The following PTPRM variants were observed in gnomAD, a reference collection of about 807,000 sequenced individuals.
PTPRM encodes receptor-type tyrosine-protein phosphatase mu.
A neutral mutation model predicts 186.7 loss-of-function variants in PTPRM; 47 were observed. The ratio of observed to expected loss-of-function variants is 0.25; its 90% CI spans 0.20 to 0.32. PTPRM has a LOEUF of 0.32. PTPRM is among the 10% of genes least tolerant of loss of function. PTPRM has a pLI of 1.00. For synonymous variants in PTPRM, 668 were observed against 674.9 expected (o/e 0.99, Z 0.16); for missense variants, 1,494 against 1,865.0 (o/e 0.80, Z 3.66).
At chr18:7,626,620 C>A (rs1464744673) in intron 1 of PTPRM, among the ~76,000 whole-genome samples, 4 of 152,156 alleles carry the variant, frequency 2.6e-5, no homozygotes, top group African/African-American at 7.2e-5. Flanking sequence ...GTCCTGTGTA[C>A]AATTTCAGTG....
At chr18:7,696,351 T>C (rs2039843061) in intron 1 of PTPRM, among the ~76,000 whole-genome samples, 1 of 152,196 alleles carries the variant, frequency 6.6e-6, no homozygotes, top group African/African-American at 2.4e-5. Flanking sequence ...GTGCATGACA[T>C]CTAAATTTGA....
intron 7 of PTPRM, among the ~76,000 whole-genome samples, chr18:7,995,988 ATT>A (rs978945065): frequency 5.3e-5 from 8 of 151,980 alleles, no homozygotes; most frequent in African/African-American, 1.7e-4. Context: ...TAATTCCAGT[ATT>A]CCTTGGTTTT....
Position 8,376,564 on chromosome 18 carries a change from G to A in PTPRM, c.3429G>A (p.Leu1143=). The A allele has an allele frequency of 1.2e-6, 2 of 1,613,870 alleles. No homozygotes were observed. Among genetic ancestry groups the A allele is most frequent in the South Asian group, 2.2e-5 (2 of 91,068 alleles). ...VVDIYNCVRE[L]RSRRVNMVQT... ...ACATCTACAACTGCGTCAGGGAGCT[G>A]CGGTCACGGAGGGTGAACATGGTGC... is the stretch of plus-strand genomic sequence containing the variant. Residue 1143 remains leucine (L), a synonymous_variant, in exon 26 of 33, where the codon CTG becomes CTA. Transcript: ENST00000580170.
rs1467569213 is a variant in PTPRM at position 8,085,582 on chromosome 18, A to G, written c.1552-89A>G. The G allele has an allele frequency of 2.7e-6, 3 of 1,110,010 alleles. No individual in the cohort carries two copies. In the Admixed American group the frequency reaches 5.3e-5, roughly 20 times the overall value. 68.8% of individuals were successfully genotyped at this position (1,110,010 alleles called of 1,614,324 possible). A position where few individuals can be genotyped will look rare whatever the true frequency, so the allele number is the denominator to read the frequency against. ...AGGAGCTTATCATAAAGTGTCTGAC[A>G]GTGCATACATCAGAAGGGTTTATTG... On this transcript the variant is annotated intron_variant, in intron 9 of 32. Coordinates refer to ENST00000580170, the MANE Select transcript of PTPRM (RefSeq NM_001105244.2).
At chr18:8,303,411 A>G (rs577402900) in intron 20 of PTPRM, among the ~76,000 whole-genome samples, 2 of 152,266 alleles carry the variant, frequency 1.3e-5, no homozygotes, top group African/African-American at 4.8e-5. Flanking sequence ...TGAAGGCTTC[A>G]CTTTTCTAAC....
intron 9 of PTPRM, among the ~76,000 whole-genome samples, chr18:8,082,978 C>G (rs565310522): frequency 6.6e-6 from 1 of 152,032 alleles, no homozygotes; most frequent in Non-Finnish European, 1.5e-5. Flanking sequence ...TTTTTATATC[C>G]AGTCCTTCAC....
At chr18:7,707,972 C>G (rs1323844650) in intron 1 of PTPRM, among the ~76,000 whole-genome samples, 2 of 152,196 alleles carry the variant, frequency 1.3e-5, no homozygotes, top group Non-Finnish European at 2.9e-5. Flanking sequence ...TTGACTGTTT[C>G]TAATATTCTG....
intron 2 of PTPRM, among the ~76,000 whole-genome samples, chr18:7,829,102 A>G (rs1007229491): frequency 5.9e-5 from 9 of 152,216 alleles, no homozygotes; most frequent in African/African-American, 2.2e-4. Flanking sequence ...CATTTGGACT[A>G]TCTGCATCAT....
chr18:8,376,743 C>T (rs2095698175), intron 26 of PTPRM, 146 bp downstream of exon 26: 1 of 1,009,442 alleles, frequency 9.9e-7, no homozygotes, highest in East Asian at 2.7e-5. Flanking sequence ...CCCTCCCTCC[C>T]TCCCTTCCCC....
At chr18:8,234,187 A>G (rs989304142) in intron 14 of PTPRM, among the ~76,000 whole-genome samples, 1 of 152,216 alleles carries the variant, frequency 6.6e-6, no homozygotes, top group Non-Finnish European at 1.5e-5. Flanking sequence ...CACTGAATCT[A>G]TAGATCAATT....
intron 1 of PTPRM, among the ~76,000 whole-genome samples, chr18:7,694,418 T>C (rs934092139): frequency 1.4e-5 from 2 of 141,038 alleles, no homozygotes; most frequent in South Asian, 2.4e-4. Flanking sequence ...GAAACTCCCT[T>C]CTTCCTTCCT....
intron 2 of PTPRM, among the ~76,000 whole-genome samples, chr18:7,851,357 A>G (rs1412984591): frequency 6.6e-6 from 1 of 152,190 alleles, no homozygotes; most frequent in Non-Finnish European, 1.5e-5. Flanking sequence ...AAGAAGAGTT[A>G]TGGACCCAAA....
chr18:7,804,620 A>G (rs535111242), intron 2 of PTPRM, among the ~76,000 whole-genome samples: 2 of 152,338 alleles, frequency 1.3e-5, no homozygotes, highest in Admixed American at 1.3e-4. Flanking sequence ...TAAGATGTAC[A>G]TGTCTATGTT....
chr18:8,084,680 A>T (rs570472491), intron 9 of PTPRM, among the ~76,000 whole-genome samples: 1 of 152,188 alleles, frequency 6.6e-6, no homozygotes, highest in Non-Finnish European at 1.5e-5. Context: ...CCTATTTAAA[A>T]GCAAGAAAAG....
chr18:8,152,484 G>T (rs1351534491), intron 14 of PTPRM, among the ~76,000 whole-genome samples: 1 of 152,052 alleles, frequency 6.6e-6, no homozygotes, highest in Admixed American at 6.6e-5. Flanking sequence ...CCTGGTCTTT[G>T]GTCCCCACCA....
chr18:7,572,569 A>G (rs1284942397), intron 1 of PTPRM, among the ~76,000 whole-genome samples: 1 of 152,184 alleles, frequency 6.6e-6, no homozygotes, highest in Admixed American at 6.5e-5. Context: ...TTAAGTTTCT[A>G]GAATGAGCAT....
At chr18:7,650,241 A>T (rs952386671) in intron 1 of PTPRM, among the ~76,000 whole-genome samples, 22 of 152,158 alleles carry the variant, frequency 1.4e-4, no homozygotes, top group African/African-American at 5.3e-4. Flanking sequence ...ATCCTTGCAG[A>T]TACTAAGGGC....
intron 2 of PTPRM, among the ~76,000 whole-genome samples, chr18:7,851,784 G>A (rs2046873302): frequency 6.6e-6 from 1 of 152,134 alleles, no homozygotes; most frequent in Non-Finnish European, 1.5e-5. Context: ...GAGTATTGCT[G>A]GAGGTAAATC....
chr18:8,211,355 A>G (rs1328914141), intron 14 of PTPRM, among the ~76,000 whole-genome samples: 2 of 143,268 alleles, frequency 1.4e-5, no homozygotes, highest in Admixed American at 6.9e-5. Flanking sequence ...GGAATTGGGG[A>G]AGCTTGTGTA....
Sources: gnomAD v4.1 joint callset for allele counts (sites outside exome capture counted in the v4.1 genomes callset) on GRCh38, gnomAD v4.1.1 for gene constraint, MANE v1.5 for transcripts, NCBI Gene and HGNC (gene_info 2026-07-23, HGNC 2026-07-21) for gene names.